Variants in TLN2 observed in about 807,000 individuals in gnomAD.
TLN2 encodes the protein talin-2.
A neutral mutation model predicts 294.7 loss-of-function variants in TLN2; 118 were observed. The ratio of observed to expected loss-of-function variants is 0.40; its 90% CI spans 0.34 to 0.47. TLN2 has a LOEUF of 0.47. Ranked by LOEUF, TLN2 falls within the 20% of genes least tolerant of loss-of-function variation. The probability of loss-of-function intolerance (pLI) is 0.84; values close to 1 mark genes in which losing one functional copy is unlikely to be tolerated. For synonymous variants in TLN2, 1,431 were observed against 1,304.5 expected, an observed-to-expected ratio of 1.10 and a Z score of -2.09; for missense variants, 3,083 against 3,282.2, an observed-to-expected ratio of 0.94 and a Z score of 1.48.
chr15:62,607,993 A>G (rs147416766), intron 2 of TLN2, among the ~76,000 whole-genome samples: 2 of 152,266 alleles, frequency 1.3e-5, no homozygotes, highest in East Asian at 3.9e-4. Flanking sequence ...TCTCTCTGAC[A>G]TTTTTGTTAG....
At chr15:62,677,502 T>C (rs2056345919) in intron 11 of TLN2, among the ~76,000 whole-genome samples, 1 of 152,106 alleles carries the variant, frequency 6.6e-6, no homozygotes, top group African/African-American at 2.4e-5. Context: ...AAAAAATAAA[T>C]TTGTTCTTCA....
At chr15:62,651,811 CT>C (rs1330671253) in intron 5 of TLN2, among the ~76,000 whole-genome samples, 193 bp from the exon 6 acceptor site, 1 of 152,074 alleles carries the variant, frequency 6.6e-6, no homozygotes, top group Non-Finnish European at 1.5e-5. Context: ...AAGTCCAGGT[CT>C]GTACTATCTC....
At chr15:62,549,475 G>GCCATCCATGCAT (rs774084813) in intron 1 of TLN2, among the ~76,000 whole-genome samples, 4 of 125,210 alleles carry the variant, frequency 3.2e-5, no homozygotes, top group African/African-American at 9.0e-5. Flanking sequence ...TGCCATGCAT[G>GCCATCCATGCAT]CCATGCATCC....
intron 1 of TLN2, among the ~76,000 whole-genome samples, chr15:62,487,746 A>G (rs1372034918): frequency 6.6e-6 from 1 of 152,040 alleles, no homozygotes. Context: ...TACTAAAAAT[A>G]CAAAAAATTA....
At position 62,747,535 on chromosome 15, in the gene TLN2, A is replaced by G. The variant is rs149899790; in HGVS notation, c.4026-816A>G. Among the ~76,000 whole-genome samples, 23 of 152,244 alleles carry G rather than the reference A, an allele frequency of 1.5e-4. No individual in the cohort carries two copies. In the East Asian group the frequency reaches 4.4e-3, roughly 29 times the overall value. The stretch of plus-strand genomic sequence containing the variant: ...TTTTGTACATTTTTTATCTTGTTCC[A>G]TGGGGTTATCTTGTTCCATGGGGAC... On this transcript the variant is annotated intron_variant, in intron 32 of 58. Coordinates refer to ENST00000636159, the MANE Select transcript of TLN2 (RefSeq NM_015059.3).
intron 1 of TLN2, among the ~76,000 whole-genome samples, chr15:62,559,966 C>T (rs1197618852): frequency 6.6e-6 from 1 of 152,182 alleles, no homozygotes; most frequent in African/African-American, 2.4e-5. Flanking sequence ...TAGAATGGCT[C>T]AGTTACCAGG....
intron 3 of TLN2, among the ~76,000 whole-genome samples, chr15:62,619,590 T>G (rs1043644658): frequency 2.0e-5 from 3 of 152,294 alleles, no homozygotes; most frequent in African/African-American, 7.2e-5. Flanking sequence ...TTTTTGCAGA[T>G]GTAACTAGTT....
At chr15:62,833,052 C>T (rs1310341556) in intron 54 of TLN2, 2 of 152,404 alleles carry the variant, frequency 1.3e-5, no homozygotes, top group Non-Finnish European at 2.9e-5. Flanking sequence ...AAGCTAACGG[C>T]TTTTTCCTTT....
chr15:62,621,276 A>T (rs976356751), intron 3 of TLN2, among the ~76,000 whole-genome samples: 15 of 152,350 alleles, frequency 9.8e-5, no homozygotes, highest in South Asian at 4.1e-4. Context: ...CCTGCAAAGG[A>T]TGCAGGGTGA....
At position 62,763,734 on chromosome 15, in the gene TLN2, G is replaced by T. The variant is rs750160140; in HGVS notation, c.5094+39G>T. ...CTGGGGGCCTGCTTAGTCGCCTCTA[G>T]ATATGTTGAAAAACCTTAGCATCAG... is the stretch of plus-strand genomic sequence containing the variant. On this transcript the variant is annotated intron_variant, in intron 40 of 58. Coordinates refer to ENST00000636159, the MANE Select transcript of TLN2 (RefSeq NM_015059.3). The T allele has an allele frequency of 2.0e-5, 31 of 1,544,246 alleles. No individual in the cohort carries two copies. The East Asian group carries it at 7.0e-4, about 35-fold the overall frequency.
At chr15:62,680,921 A>T (rs1451478681) in intron 11 of TLN2, among the ~76,000 whole-genome samples, 1 of 152,092 alleles carries the variant, frequency 6.6e-6, no homozygotes, top group Non-Finnish European at 1.5e-5. Context: ...GTTCTTTTTC[A>T]TGGCTGAGTA....
intron 2 of TLN2, among the ~76,000 whole-genome samples, chr15:62,608,644 G>GT (rs938856392): frequency 6.6e-6 from 1 of 152,186 alleles, no homozygotes; most frequent in African/African-American, 2.4e-5. Flanking sequence ...AGGGAAGCAG[G>GT]TTGGGAAGAC....
chr15:62,694,312 C>A lies in TLN2; in HGVS notation c.1216-4C>A. ...TTTTGCATCTTGTTTTATTGCATTT[C>A]CAGAAACAAAGTAAAGATCGATTTG... is the stretch of plus-strand genomic sequence containing the variant. On this transcript the variant is annotated splice_polypyrimidine_tract_variant and splice_region_variant and intron_variant, in intron 13 of 58. Coordinates refer to ENST00000636159, the MANE Select transcript of TLN2 (RefSeq NM_015059.3). The A allele has an allele frequency of 6.2e-7, 1 of 1,613,852 alleles. No homozygotes were observed. Among genetic ancestry groups the A allele is most frequent in the Middle Eastern group, 1.7e-4 (1 of 6,058 alleles).
At chr15:62,467,646 T>C (rs931041887) in intron 1 of TLN2, among the ~76,000 whole-genome samples, 5 of 151,824 alleles carry the variant, frequency 3.3e-5, no homozygotes, top group Admixed American at 6.6e-5. Flanking sequence ...GATTGCGCCA[T>C]TGCACTCCAG....
At chr15:62,725,404 G>A (rs987198708) in intron 27 of TLN2, among the ~76,000 whole-genome samples, 2 of 152,102 alleles carry the variant, frequency 1.3e-5, no homozygotes, top group African/African-American at 4.8e-5. Context: ...ACATAGAAAA[G>A]ATTATCAGCA....
At chr15:62,582,071 A>C (rs2045096947) in intron 1 of TLN2, among the ~76,000 whole-genome samples, 1 of 151,680 alleles carries the variant, frequency 6.6e-6, no homozygotes, top group African/African-American at 2.4e-5. Context: ...AAAGAAAAAC[A>C]TGTGAATGGT....
intron 42 of TLN2, among the ~76,000 whole-genome samples, chr15:62,771,590 C>T (rs559675090): frequency 6.6e-6 from 1 of 152,356 alleles, no homozygotes; most frequent in East Asian, 1.9e-4. Flanking sequence ...TGTCACCCAG[C>T]TGCTTTAAGT....
chr15:62,808,624 T>C lies in TLN2; in HGVS notation c.6664-1301T>C, dbSNP rs142987678. On this transcript the variant is annotated intron_variant, in intron 51 of 58. Transcript: ENST00000636159. ...CTCTCCCACTCCCTACACACGGGCT[T>C]GCACATAACCTGCTGGAAGTGACTC... is the stretch of plus-strand genomic sequence containing the variant. Among the ~76,000 whole-genome samples the C allele has an allele frequency of 5.8e-3, 888 of 152,292 alleles. 8 individuals carry two copies. The highest frequency in any genetic ancestry group is 0.02 in the African/African-American group (846 of 41,570).
At chr15:62,482,905 C>G (rs2038186870) in intron 1 of TLN2, among the ~76,000 whole-genome samples, 3 of 152,156 alleles carry the variant, frequency 2.0e-5, no homozygotes, top group Admixed American at 1.3e-4. Flanking sequence ...CTTTCTGCAT[C>G]CCTCCTGTTC....
Sources: allele counts gnomAD v4.1 joint callset (sites outside exome capture counted in the v4.1 genomes callset), GRCh38; gene constraint gnomAD v4.1.1; transcripts MANE v1.5; gene names NCBI Gene and HGNC (gene_info 2026-07-23, HGNC 2026-07-21).